Variants in SNRPD1 observed in about 807,000 individuals in gnomAD.
The protein encoded by SNRPD1 is small nuclear ribonucleoprotein D1 polypeptide.
A neutral mutation model predicts 14.4 loss-of-function variants in SNRPD1; 1 was observed. That is an observed-to-expected ratio of 0.07 (90% CI 0.02 to 0.33). The LOEUF (loss-of-function observed/expected upper bound fraction) is 0.33, where lower values mean the gene tolerates loss of function less well. Among genes scored for constraint, SNRPD1 ranks in the 10% least tolerant of loss-of-function variants. The probability of loss-of-function intolerance (pLI) is 1.00; values close to 1 mark genes in which losing one functional copy is unlikely to be tolerated. For missense variants in SNRPD1, 52 were observed against 146.4 expected (o/e 0.36, Z 3.33); for synonymous variants, 42 against 50.3 (o/e 0.83, Z 0.70).
rs1459967842 is a variant in SNRPD1 at position 21,630,309 on chromosome 18, A to G, written c.*1171A>G. 1 of 152,200 alleles carries G rather than the reference A, an allele frequency of 6.6e-6. No homozygotes were observed. Among genetic ancestry groups the G allele is most frequent in the African/African-American group, 2.4e-5 (1 of 41,454 alleles). 9.4% of individuals were successfully genotyped at this position (152,200 alleles called of 1,614,324 possible). ...TTTTGATTTGCTAAGCTCAGAAAAA[A>G]TGTCTCTCAGTGCATCAGTTCTTTG... is the stretch of plus-strand genomic sequence containing the variant. On this transcript the variant is annotated 3_prime_UTR_variant, in exon 4 of 4. Transcript: ENST00000300413.
chr18:21,622,587 T>C, intron 1 of SNRPD1, 138 bp from the exon 2 acceptor site: 1 of 590,160 alleles, frequency 1.7e-6, no homozygotes. Flanking sequence ...AAAGCTGAAA[T>C]TGTTATGCAG....
At chr18:21,622,207 T>G (rs988217647) in intron 1 of SNRPD1, among the ~76,000 whole-genome samples, 13 of 152,070 alleles carry the variant, frequency 8.5e-5, no homozygotes, top group African/African-American at 2.9e-4. Flanking sequence ...TGGCGTGATC[T>G]CGGCTCACTG....
At chr18:21,621,444 A>G (rs1342735264) in intron 1 of SNRPD1, among the ~76,000 whole-genome samples, 1 of 152,108 alleles carries the variant, frequency 6.6e-6, no homozygotes, top group Non-Finnish European at 1.5e-5. Context: ...CCTGTCACTC[A>G]GGCTGGGGTA....
intron 1 of SNRPD1, among the ~76,000 whole-genome samples, chr18:21,619,589 A>G (rs1439937182): frequency 2.0e-5 from 3 of 151,404 alleles, no homozygotes; most frequent in Non-Finnish European, 4.4e-5. Flanking sequence ...GTTCGAGACC[A>G]GCCCAACGGG....
intron 3 of SNRPD1, among the ~76,000 whole-genome samples, chr18:21,627,403 C>T (rs2039048136): frequency 6.6e-6 from 1 of 150,950 alleles, no homozygotes; most frequent in Non-Finnish European, 1.5e-5. Context: ...GTGTGAGCCA[C>T]CATCATACCT....
chr18:21,616,424 C>T (rs909194483), intron 1 of SNRPD1, among the ~76,000 whole-genome samples: 3 of 152,124 alleles, frequency 2.0e-5, no homozygotes, highest in African/African-American at 7.2e-5. Context: ...ATTGTGCGAT[C>T]TCAGCTCACT....
At chr18:21,620,411 T>G (rs778983335) in intron 1 of SNRPD1, among the ~76,000 whole-genome samples, 1 of 152,170 alleles carries the variant, frequency 6.6e-6, no homozygotes, top group Admixed American at 6.5e-5. Context: ...TTGACAATAT[T>G]TGTAAACCCT....
At chr18:21,627,624 A>G (rs1301722756) in intron 3 of SNRPD1, among the ~76,000 whole-genome samples, 3 of 151,308 alleles carry the variant, frequency 2.0e-5, no homozygotes, top group Admixed American at 1.3e-4. Context: ...TTGTTTTACA[A>G]CACCCCTCCA....
At position 21,625,316 on chromosome 18, in the gene SNRPD1, A is replaced by ATTTTTTT. The variant is rs144395165; in HGVS notation, c.283+1388_283+1394dup. ...TCTATTTAAAATTTTGTTGAAAAAA[A>ATTTTTTT]TTTTTTTTTTTTTTTTTGAGATGGA... On this transcript the variant is annotated intron_variant, in intron 3 of 3. Coordinates refer to ENST00000300413, the MANE Select transcript of SNRPD1 (RefSeq NM_006938.4). Among the ~76,000 whole-genome samples, 3 of 109,098 alleles carry ATTTTTTT rather than the reference A, an allele frequency of 2.7e-5. 1 individual carries two copies. Among genetic ancestry groups the ATTTTTTT allele is most frequent in the African/African-American group, 1.0e-4 (2 of 20,044 alleles). The allele number at this position is 109,098 out of a possible 152,430, so 71.6% of individuals were successfully genotyped here.
chr18:21,624,726 A>T (rs2039023782), intron 3 of SNRPD1, among the ~76,000 whole-genome samples: 1 of 151,400 alleles, frequency 6.6e-6, no homozygotes, highest in African/African-American at 2.4e-5. Flanking sequence ...ATATGATTGT[A>T]ATCCATAGCT....
chr18:21,620,960 A>G (rs2038992726), intron 1 of SNRPD1, among the ~76,000 whole-genome samples: 3 of 151,966 alleles, frequency 2.0e-5, no homozygotes, highest in Admixed American at 6.6e-5. Flanking sequence ...TCAGAAGATC[A>G]AGGCCATCGT....
rs1378041597 is a variant in SNRPD1 at position 21,630,861 on chromosome 18, A to T, written c.*1723A>T. 1 of 148,686 alleles carries T rather than the reference A, an allele frequency of 6.7e-6. No homozygotes were observed. The highest frequency in any genetic ancestry group is 2.4e-5 in the African/African-American group (1 of 40,840). The allele number at this position is 148,686 out of a possible 1,614,324, so 9.2% of individuals were successfully genotyped here. ...ATAGATATATTAGTATACATGTAGA[A>T]TGTACCTGTCATATATATTAGATAT... On this transcript the variant is annotated 3_prime_UTR_variant, in exon 4 of 4. Coordinates refer to ENST00000300413, the MANE Select transcript of SNRPD1 (RefSeq NM_006938.4).
chr18:21,618,348 A>AAC (rs903102976), intron 1 of SNRPD1, among the ~76,000 whole-genome samples: 8 of 151,916 alleles, frequency 5.3e-5, no homozygotes, highest in Non-Finnish European at 1.2e-4. Context: ...TTTAAAAAAA[A>AAC]ACACAAAAAA....
At chr18:21,620,911 C>T (rs2038992266) in intron 1 of SNRPD1, among the ~76,000 whole-genome samples, 1 of 152,082 alleles carries the variant, frequency 6.6e-6, no homozygotes, top group Non-Finnish European at 1.5e-5. Flanking sequence ...TGCCTGTAAT[C>T]CCAGCACTTT....
In SNRPD1 at chr18:21,630,085, TTA is replaced by T. The variant is rs2039070018; in HGVS notation, c.*949_*950del. ...AATCAGTTCTTAATAGGATATAGTT[TTA>T]TGTTTTCCAAGTTATAACTTGGAGT... On this transcript the variant is annotated 3_prime_UTR_variant, in exon 4 of 4. Coordinates refer to ENST00000300413, the MANE Select transcript of SNRPD1 (RefSeq NM_006938.4). The T allele has an allele frequency of 6.6e-6, 1 of 152,150 alleles. No individual in the cohort carries two copies. Among genetic ancestry groups the T allele is most frequent in the African/African-American group, 2.4e-5 (1 of 41,434 alleles). The allele number at this position is 152,150 out of a possible 1,614,324, so 9.4% of individuals were successfully genotyped here.
Position 21,629,254 on chromosome 18 carries a change from A to G in SNRPD1, c.*116A>G. 1 of 776,170 alleles carries G rather than the reference A, an allele frequency of 1.3e-6. No homozygotes were observed. Among genetic ancestry groups the G allele is most frequent in the Non-Finnish European group, 2.2e-6 (1 of 453,968 alleles). 48.1% of individuals were successfully genotyped at this position (776,170 alleles called of 1,614,324 possible). On this transcript the variant is annotated 3_prime_UTR_variant, in exon 4 of 4. Transcript: ENST00000300413. ...TGGGACAGAGCTGTCTATTTAGTAT[A>G]TCAAAGTTTTAGTAGTTTCCTCCAC...
chr18:21,626,085 T>C lies in SNRPD1; in HGVS notation c.283+2146T>C, dbSNP rs532530753. On this transcript the variant is annotated intron_variant, in intron 3 of 3. Transcript: ENST00000300413. ...AGTTTTTGTGTGTACACATTTAAAA[T>C]AGTACGGTTTAAAATAACTGAAATT... 2.0e-5 allele frequency among the ~76,000 whole-genome samples: 3 copies of C among 152,264 alleles called. No homozygotes were observed. The South Asian group carries it at 6.2e-4, about 32-fold the overall frequency.
rs2039092589 is a variant in SNRPD1, at chr18:21,632,613, G to T, written c.*3475G>T. The stretch of plus-strand genomic sequence containing the variant: ...TCATTATTTCATTTCCATGTGAAAG[G>T]GCTAAAATTGGGTGAAGAAAAAGCT... On this transcript the variant is annotated 3_prime_UTR_variant, in exon 4 of 4. Transcript: ENST00000300413. The T allele has an allele frequency of 6.6e-6, 1 of 151,970 alleles. No individual in the cohort carries two copies. The highest frequency in any genetic ancestry group is 1.5e-5 in the Non-Finnish European group (1 of 68,020). The allele number at this position is 151,970 out of a possible 1,614,324, so 9.4% of individuals were successfully genotyped here. A position where few individuals can be genotyped will look rare whatever the true frequency, so the allele number is the denominator to read the frequency against.
At position 21,632,270 on chromosome 18, in the gene SNRPD1, G is replaced by A. The variant is rs889459159; in HGVS notation, c.*3132G>A. On this transcript the variant is annotated 3_prime_UTR_variant, in exon 4 of 4. Coordinates refer to ENST00000300413, the MANE Select transcript of SNRPD1 (RefSeq NM_006938.4). Reference sequence around the variant, plus strand: ...GAGGTCAGGAGTTCGAGACCAGCCTGGGTAACATGGTGAAACCCTGTCTAC... The same window carrying A: ...GAGGTCAGGAGTTCGAGACCAGCCTAGGTAACATGGTGAAACCCTGTCTAC... 1.3e-5 allele frequency: 2 copies of A among 152,256 alleles called. No individual in the cohort carries two copies. Among genetic ancestry groups the A allele is most frequent in the Admixed American group, 6.5e-5 (1 of 15,272 alleles). The allele number at this position is 152,256 out of a possible 1,614,324, so 9.4% of individuals were successfully genotyped here. A position where few individuals can be genotyped will look rare whatever the true frequency, so the allele number is the denominator to read the frequency against.
Sources: gnomAD v4.1 joint callset for allele counts (sites outside exome capture counted in the v4.1 genomes callset) on GRCh38, gnomAD v4.1.1 for gene constraint, MANE v1.5 for transcripts, NCBI Gene and HGNC (gene_info 2026-07-23, HGNC 2026-07-21) for gene names.